PHGDH: variants seen among roughly 807,000 people sequenced by gnomAD.
PHGDH encodes the protein phosphoglycerate dehydrogenase, also known as D-3-phosphoglycerate dehydrogenase.
A neutral mutation model predicts 52.6 loss-of-function variants in PHGDH; 50 were observed. That is an observed-to-expected ratio of 0.95 (90% CI 0.76 to 1.20). PHGDH has a LOEUF of 1.20. Among genes scored for constraint, PHGDH ranks in the 50% most tolerant of loss-of-function variants. The pLI is 0.00. For synonymous variants in PHGDH, 271 were observed against 280.5 expected (o/e 0.97, Z 0.34); for missense variants, 630 against 684.6 (o/e 0.92, Z 0.89).
intron 5 of PHGDH, among the ~76,000 whole-genome samples, chr1:119,733,192 T>C (rs1171236989): frequency 2.0e-5 from 3 of 152,190 alleles, no homozygotes; most frequent in Non-Finnish European, 4.4e-5. Context: ...TGATGGTTGG[T>C]GTGGGGCCAC....
chr1:119,712,243 C>G (rs1650728474), intron 1 of PHGDH, 83 bp downstream of exon 1: 3 of 1,231,580 alleles, frequency 2.4e-6, no homozygotes, highest in Non-Finnish European at 3.5e-6. Flanking sequence ...GCGCGCCCCC[C>G]TCGCATGCAC....
intron 5 of PHGDH, among the ~76,000 whole-genome samples, chr1:119,730,621 A>G (rs1411196938): frequency 6.6e-6 from 1 of 152,228 alleles, no homozygotes; most frequent in African/African-American, 2.4e-5. Flanking sequence ...ATTTTTAAAC[A>G]GTTGTGTGGA....
intron 7 of PHGDH, among the ~76,000 whole-genome samples, chr1:119,735,866 T>C (rs1002444873): frequency 4.6e-5 from 7 of 152,190 alleles, no homozygotes; most frequent in African/African-American, 1.7e-4. Flanking sequence ...GGGCATTCTT[T>C]TTCCCTTCTT....
At chr1:119,727,149 T>C in intron 5 of PHGDH, 47 bp downstream of exon 5, 1 of 1,215,088 alleles carries the variant, frequency 8.2e-7, no homozygotes, top group Non-Finnish European at 1.2e-6. Context: ...CTGCAGCAAT[T>C]TTGGGAAAGG....
At chr1:119,722,898 C>CAA (rs59674663) in intron 2 of PHGDH, among the ~76,000 whole-genome samples, 11,072 of 88,534 alleles carry the variant, frequency 0.13, 629 homozygotes, top group Non-Finnish European at 0.17. Context: ...GAGGCCTTGT[C>CAA]AAAAAAAAAA....
chr1:119,712,428 T>C, intron 1 of PHGDH: 1 of 440,976 alleles, frequency 2.3e-6, no homozygotes, highest in South Asian at 2.1e-5. Context: ...TGCGGGCTGC[T>C]CCAACTGGTC....
At chr1:119,722,107 A>T (rs994918056) in intron 2 of PHGDH, among the ~76,000 whole-genome samples, 6 of 152,190 alleles carry the variant, frequency 3.9e-5, no homozygotes, top group Admixed American at 1.3e-4. Context: ...CACCTGACTG[A>T]AGTCAATATT....
Position 119,737,161 on chromosome 1 carries a change from C to T in PHGDH, c.840C>T (p.Ser280=), listed in dbSNP as rs755871957. 1 of 1,614,106 alleles carries T rather than the reference C, an allele frequency of 6.2e-7. No homozygotes were observed. Among genetic ancestry groups the T allele is most frequent in the Non-Finnish European group, 8.5e-7 (1 of 1,179,920 alleles). Reference sequence around the variant, plus strand: ...TGGTGGACCATGAGAATGTCATCAGCTGTCCCCACCTGGGTGCCAGCACCA... The same window carrying T: ...TGGTGGACCATGAGAATGTCATCAGTTGTCCCCACCTGGGTGCCAGCACCA... ...RALVDHENVI[S]CPHLGASTKE... Residue 280 remains serine (S), a synonymous_variant, in exon 8 of 12, where the codon AGC becomes AGT. Coordinates refer to ENST00000641023, the MANE Select transcript of PHGDH (RefSeq NM_006623.4).
intron 1 of PHGDH, among the ~76,000 whole-genome samples, chr1:119,719,241 A>G (rs1383488645): frequency 1.3e-5 from 2 of 152,126 alleles, no homozygotes; most frequent in African/African-American, 4.8e-5. Context: ...TGTGACTTGT[A>G]TACACCCAGG....
rs370672656 is a variant in PHGDH, at chr1:119,738,067, GTT to G, written c.945+811_945+812del. 8.6e-3 allele frequency among the ~76,000 whole-genome samples: 1,257 copies of G among 146,838 alleles called. 16 individuals carry two copies. Among genetic ancestry groups the G allele is most frequent in the African/African-American group, 0.03 (1,200 of 40,242 alleles). On this transcript the variant is annotated intron_variant, in intron 8 of 11. Coordinates refer to ENST00000641023, the MANE Select transcript of PHGDH (RefSeq NM_006623.4). ...TTATTAAGGTTCAGTTCCATGGGGT[GTT>G]TTTTTTTTTCCCTAATCTTTCTACT...
chr1:119,726,015 C>CT lies in PHGDH; in HGVS notation c.357-830dup, dbSNP rs201765261. On this transcript the variant is annotated intron_variant, in intron 3 of 11. Coordinates refer to ENST00000641023, the MANE Select transcript of PHGDH (RefSeq NM_006623.4). ...CTTAAACATTGTTTCTCAAATCTTC[C>CT]TTTTTTGCCTCCAGAGATGTGTTGA... Among the ~76,000 whole-genome samples the CT allele has an allele frequency of 5.0e-3, 762 of 152,166 alleles. 6 individuals are homozygous for CT. The highest frequency in any genetic ancestry group is 0.034 in the Middle Eastern group (10 of 294).
chr1:119,743,097 T>C, intron 11 of PHGDH, 53 bp downstream of exon 11: 1 of 1,161,316 alleles, frequency 8.6e-7, no homozygotes, highest in Non-Finnish European at 1.3e-6. Context: ...GGGTGGGGTC[T>C]GCCCTGGAAT....
At chr1:119,712,368 G>C in intron 1 of PHGDH, 1 of 579,686 alleles carries the variant, frequency 1.7e-6, no homozygotes, top group Non-Finnish European at 3.1e-6. Flanking sequence ...TTTTCTTTTA[G>C]TTTGCAACCG....
intron 1 of PHGDH, chr1:119,712,454 G>C: frequency 5.1e-6 from 2 of 395,872 alleles, no homozygotes; most frequent in South Asian, 2.2e-5. Flanking sequence ...GGCTGCTCGC[G>C]GATGCCAGCG....
chr1:119,729,133 T>C (rs988812725), intron 5 of PHGDH, among the ~76,000 whole-genome samples: 2 of 152,142 alleles, frequency 1.3e-5, no homozygotes, highest in Non-Finnish European at 2.9e-5. Context: ...GCCTCTGCAC[T>C]GAGAAGGGCC....
At chr1:119,724,911 G>T in intron 3 of PHGDH, 1 of 456,624 alleles carries the variant, frequency 2.2e-6, no homozygotes, top group Non-Finnish European at 4.4e-6. Flanking sequence ...CACCCTATTG[G>T]GAAGGAATGC....
At chr1:119,722,264 A>G (rs1651201396) in intron 2 of PHGDH, among the ~76,000 whole-genome samples, 1 of 152,134 alleles carries the variant, frequency 6.6e-6, no homozygotes, top group African/African-American at 2.4e-5. Flanking sequence ...TTTTGCAGGC[A>G]GACAGACTCT....
intron 1 of PHGDH, 115 bp downstream of exon 1, chr1:119,712,275 G>A: frequency 1.2e-6 from 1 of 863,946 alleles, no homozygotes; most frequent in Admixed American, 2.1e-5. Context: ...TAGTTCCGGG[G>A]CCTCCTGAGA....
At position 119,737,248 on chromosome 1, in the gene PHGDH, G is replaced by A. The variant is rs1232037305; in HGVS notation, c.927G>A (p.Gly309=). 33 of 1,613,886 alleles carry A rather than the reference G, an allele frequency of 2.0e-5. No individual in the cohort carries two copies. Among genetic ancestry groups the A allele is most frequent in the Non-Finnish European group, 2.6e-5 (31 of 1,179,878 alleles). Residue 309 remains glycine, a synonymous_variant, in exon 8 of 12, where the codon GGG becomes GGA. Coordinates refer to ENST00000641023, the MANE Select transcript of PHGDH (RefSeq NM_006623.4). Reference sequence around the variant, plus strand: ...TTCAGTTCGTGGACATGGTGAAGGGGAAATCTCTCACGGGGGTTGTAAGTA... The same window carrying A: ...TTCAGTTCGTGGACATGGTGAAGGGAAAATCTCTCACGGGGGTTGTAAGTA... ...IAVQFVDMVK[G]KSLTGVVNAQ...
Sources: allele counts gnomAD v4.1 joint callset (sites outside exome capture counted in the v4.1 genomes callset), GRCh38; gene constraint gnomAD v4.1.1; transcripts MANE v1.5; gene names NCBI Gene and HGNC (gene_info 2026-07-23, HGNC 2026-07-21).